ARSG: variants seen among roughly 807,000 people sequenced by gnomAD.
The protein encoded by ARSG is ASG.
ARSG carries 37 observed loss-of-function variants against 50.5 expected under a neutral mutation model. The observed-to-expected ratio is 0.73, with a 90% CI of 0.56 to 0.96. The LOEUF is 0.96. ARSG is among the 50% of genes least tolerant of loss of function. The pLI, the probability that ARSG is intolerant of heterozygous loss-of-function variation, is 0.00. For missense variants in ARSG, 629 were observed against 675.3 expected (o/e 0.93, Z 0.76); for synonymous variants, 225 against 254.6 (o/e 0.88, Z 1.11).
intron 9 of ARSG, among the ~76,000 whole-genome samples, chr17:68,393,335 G>A (rs370188575): frequency 2.0e-5 from 3 of 152,144 alleles, no homozygotes; most frequent in African/African-American, 4.8e-5. Context: ...CGCCCTGGAC[G>A]AGTCCGCCCT....
At chr17:68,355,591 G>A (rs1599855946) in intron 5 of ARSG, among the ~76,000 whole-genome samples, 1 of 152,122 alleles carries the variant, frequency 6.6e-6, no homozygotes, top group African/African-American at 2.4e-5. Flanking sequence ...CTGACCTTAG[G>A]TGATCCACCC....
intron 9 of ARSG, among the ~76,000 whole-genome samples, chr17:68,393,168 C>G (rs2081075667): frequency 6.6e-6 from 1 of 152,234 alleles, no homozygotes; most frequent in Admixed American, 6.5e-5. Context: ...AGCAGTCCTC[C>G]TTTATCCACG....
At chr17:68,424,592 C>T, downstream of ARSG, 1 of 491,544 alleles carries the variant, frequency 2.0e-6, no homozygotes, top group Non-Finnish European at 4.2e-6. Flanking sequence ...AACACTACTT[C>T]CGGCCGGGTG....
chr17:68,346,495 C>A (rs2078510365), intron 3 of ARSG, among the ~76,000 whole-genome samples: 1 of 152,238 alleles, frequency 6.6e-6, no homozygotes. Context: ...CTGGGGTCTA[C>A]TCCTCAGAGC....
chr17:68,373,529 T>C (rs1479662496), intron 8 of ARSG, among the ~76,000 whole-genome samples: 3 of 152,056 alleles, frequency 2.0e-5, no homozygotes, highest in African/African-American at 7.2e-5. Flanking sequence ...ATGCCTGGCC[T>C]ACTTTTCAAT....
intron 5 of ARSG, among the ~76,000 whole-genome samples, chr17:68,351,972 C>T (rs1039231587): frequency 6.6e-6 from 1 of 151,962 alleles, no homozygotes; most frequent in Non-Finnish European, 1.5e-5. Flanking sequence ...ACATGTGGGG[C>T]CTCCCTCCTC....
downstream of ARSG, among the ~76,000 whole-genome samples, chr17:68,422,925 CTT>C (rs1004029993): frequency 2.0e-5 from 3 of 152,074 alleles, no homozygotes; most frequent in African/African-American, 7.2e-5. Context: ...GATCAAGTCT[CTT>C]TTCTTTCACT....
chr17:68,393,284 G>A (rs1019022123), intron 9 of ARSG, among the ~76,000 whole-genome samples: 3 of 152,178 alleles, frequency 2.0e-5, no homozygotes, highest in Admixed American at 6.5e-5. Flanking sequence ...CACATTCTGA[G>A]GAGTGTGGTG....
intron 2 of ARSG, among the ~76,000 whole-genome samples, chr17:68,326,870 A>G (rs1261676993): frequency 2.0e-5 from 3 of 152,144 alleles, no homozygotes; most frequent in East Asian, 1.9e-4. Context: ...GCATCAAGCA[A>G]CAGTCGTCAG....
chr17:68,268,093 T>G (rs561987196), intron 1 of ARSG: 1 of 152,302 alleles, frequency 6.6e-6, no homozygotes, highest in East Asian at 1.9e-4. Context: ...TTGCCCCTAA[T>G]CAAATGGAAG....
intron 1 of ARSG, among the ~76,000 whole-genome samples, chr17:68,304,733 T>C (rs1028679301): frequency 6.6e-6 from 1 of 152,226 alleles, no homozygotes; most frequent in Non-Finnish European, 1.5e-5. Context: ...TCTCACTATG[T>C]TGGACAGGCT....
chr17:68,420,151 C>T (rs1003374344), intron 11 of ARSG, 38 bp from the exon 12 acceptor site: 2 of 1,606,318 alleles, frequency 1.2e-6, no homozygotes, highest in Admixed American at 3.4e-5. Flanking sequence ...GGGCAACTGT[C>T]AGGGTTAGCG....
chr17:68,391,930 G>A (rs974710620), intron 9 of ARSG, among the ~76,000 whole-genome samples: 3 of 152,202 alleles, frequency 2.0e-5, no homozygotes, highest in Admixed American at 2.0e-4. Context: ...TCTGCCTGGG[G>A]TTGTAGGTAG....
At chr17:68,391,841 A>G (rs1311092246) in intron 9 of ARSG, among the ~76,000 whole-genome samples, 5 of 152,182 alleles carry the variant, frequency 3.3e-5, no homozygotes, top group African/African-American at 4.8e-5. Context: ...TTGTTTCTTA[A>G]GAGATAAGCC....
the ARSG span, chr17:68,435,547 C>A: frequency 6.8e-7 from 1 of 1,466,428 alleles, no homozygotes; most frequent in South Asian, 1.1e-5. Context: ...CAGGTTTGTT[C>A]AATCCCATCC....
intron 4 of ARSG, among the ~76,000 whole-genome samples, chr17:68,348,032 G>A (rs187013118): frequency 6.6e-6 from 1 of 152,312 alleles, no homozygotes; most frequent in East Asian, 1.9e-4. Flanking sequence ...TTGGCCTGGA[G>A]CCAGCCTTCA....
At chr17:68,307,945 G>A (rs1321473536) in intron 2 of ARSG, among the ~76,000 whole-genome samples, 1 of 152,070 alleles carries the variant, frequency 6.6e-6, no homozygotes, top group East Asian at 1.9e-4. Flanking sequence ...GGAATACAGA[G>A]GTGAACAAGA....
downstream of ARSG, among the ~76,000 whole-genome samples, chr17:68,424,761 C>G (rs2083045573): frequency 6.6e-6 from 1 of 152,166 alleles, no homozygotes; most frequent in African/African-American, 2.4e-5. Flanking sequence ...TCTGTAATTG[C>G]AGCTACTCGG....
intron 3 of ARSG, 129 bp downstream of exon 3, chr17:68,343,920 G>A (rs2078388781): frequency 1.0e-6 from 1 of 959,504 alleles, no homozygotes; most frequent in East Asian, 2.7e-5. Flanking sequence ...GATGCTCTCA[G>A]CTATAAGGAA....
Sources: allele counts gnomAD v4.1 joint callset (sites outside exome capture counted in the v4.1 genomes callset), GRCh38; gene constraint gnomAD v4.1.1; transcripts MANE v1.5; gene names NCBI Gene and HGNC (gene_info 2026-07-23, HGNC 2026-07-21).